KDM2B: variants seen among roughly 807,000 people sequenced by gnomAD.
KDM2B encodes the protein lysine demethylase 2B, also known as lysine-specific demethylase 2B.
KDM2B carries 26 observed loss-of-function variants against 150.0 expected under a neutral mutation model. The ratio of observed to expected loss-of-function variants is 0.17; its 90% confidence interval spans 0.13 to 0.24. The LOEUF is 0.24. Among genes scored for constraint, KDM2B ranks in the 10% least tolerant of loss-of-function variants. KDM2B has a pLI of 1.00. For synonymous variants in KDM2B, 734 were observed against 729.5 expected (o/e 1.01, Z -0.10); for missense variants, 1,265 against 1,816.9 (o/e 0.70, Z 5.52).
chr12:121,416,301 A>C, the KDM2B span: 1 of 1,613,990 alleles, frequency 6.2e-7, no homozygotes, highest in East Asian at 2.2e-5. Flanking sequence ...TTTTCCACCT[A>C]CCCACCAGCA....
At chr12:121,467,000 C>G (rs1387450783) in intron 12 of KDM2B, among the ~76,000 whole-genome samples, 4 of 148,538 alleles carry the variant, frequency 2.7e-5, no homozygotes, top group African/African-American at 4.9e-5. Flanking sequence ...CCTCTACGCC[C>G]CGCTCGGGCC....
At chr12:121,565,624 A>ATTT (rs562896898) in intron 4 of KDM2B, among the ~76,000 whole-genome samples, 1 of 148,266 alleles carries the variant, frequency 6.7e-6, no homozygotes, top group African/African-American at 2.5e-5. Context: ...GGCCAAGAGG[A>ATTT]TTTTTTTTTC....
At chr12:121,514,500 A>G (rs1283900749) in intron 9 of KDM2B, among the ~76,000 whole-genome samples, 1 of 151,698 alleles carries the variant, frequency 6.6e-6, no homozygotes, top group Non-Finnish European at 1.5e-5. Context: ...CAACACAAGG[A>G]TGGAAAGAGG....
Position 121,534,193 on chromosome 12 carries a change from C to CA in KDM2B, c.777+303dup, listed in dbSNP as rs530037773. Among the ~76,000 whole-genome samples the CA allele has an allele frequency of 5.1e-3, 777 of 152,064 alleles. 3 individuals are homozygous for CA. Among genetic ancestry groups the CA allele is most frequent in the Non-Finnish European group, 8.8e-3 (600 of 67,960 alleles). On this transcript the variant is annotated intron_variant, in intron 7 of 22. Coordinates refer to ENST00000377071, the MANE Select transcript of KDM2B (RefSeq NM_032590.5). ...TGAAACCCCGTCTCTACTAAAAATA[C>CA]AAAAAATTAGCAGGGCGTGGTAGCA...
intron 12 of KDM2B, among the ~76,000 whole-genome samples, chr12:121,492,804 G>A (rs1298743188): frequency 2.0e-5 from 3 of 150,818 alleles, no homozygotes; most frequent in African/African-American, 7.3e-5. Context: ...ACTCCAGCCT[G>A]GGTGACAAGA....
chr12:121,459,832 GAAA>G (rs1205908155), intron 12 of KDM2B, among the ~76,000 whole-genome samples: 1 of 113,498 alleles, frequency 8.8e-6, no homozygotes, highest in Non-Finnish European at 1.9e-5. Flanking sequence ...CTCCATCTCA[GAAA>G]AAAAAAAAAA....
chr12:121,443,120 T>A, intron 17 of KDM2B, 90 bp from the exon 18 acceptor site: 1 of 1,300,356 alleles, frequency 7.7e-7, no homozygotes. Flanking sequence ...GAGTCCACAG[T>A]CTCCAGAGGA....
intron 12 of KDM2B, among the ~76,000 whole-genome samples, chr12:121,471,420 G>A (rs1880758418): frequency 6.6e-6 from 1 of 152,160 alleles, no homozygotes; most frequent in African/African-American, 2.4e-5. Context: ...CTCTCTGGGT[G>A]TCGTGTACAT....
chr12:121,557,508 G>C (rs1889994249), intron 4 of KDM2B, among the ~76,000 whole-genome samples: 1 of 152,234 alleles, frequency 6.6e-6, no homozygotes, highest in African/African-American at 2.4e-5. Flanking sequence ...CCAAAGTGCT[G>C]GGATTACAGG....
intron 12 of KDM2B, among the ~76,000 whole-genome samples, chr12:121,463,410 T>C (rs1163775864): frequency 2.6e-5 from 4 of 152,050 alleles, no homozygotes; most frequent in African/African-American, 4.8e-5. Flanking sequence ...CCATGCCACA[T>C]GTATACCTAT....
chr12:121,486,322 G>A (rs1882749591), intron 12 of KDM2B, among the ~76,000 whole-genome samples: 1 of 124,702 alleles, frequency 8.0e-6, no homozygotes, highest in East Asian at 2.4e-4. Flanking sequence ...GATCAGGCTG[G>A]TTTCGAACTC....
downstream of KDM2B, among the ~76,000 whole-genome samples, chr12:121,425,159 T>C (rs1222713276): frequency 6.6e-6 from 1 of 151,750 alleles, no homozygotes; most frequent in Non-Finnish European, 1.5e-5. Context: ...AATACGAAAA[T>C]TAGCTGGGCA....
chr12:121,480,981 G>A (rs1555297770), intron 12 of KDM2B, among the ~76,000 whole-genome samples: 1 of 148,264 alleles, frequency 6.7e-6, no homozygotes, highest in East Asian at 2.0e-4. Flanking sequence ...AGACCAGAGT[G>A]CAGTGGTGTG....
chr12:121,476,126 C>CTTGTG (rs1555296750), intron 12 of KDM2B, among the ~76,000 whole-genome samples: 1 of 151,956 alleles, frequency 6.6e-6, no homozygotes, highest in African/African-American at 2.4e-5. Context: ...GAAACCCTGT[C>CTTGTG]TCTACTAAAA....
At chr12:121,510,278 A>G (rs1885467443) in intron 10 of KDM2B, among the ~76,000 whole-genome samples, 1 of 152,156 alleles carries the variant, frequency 6.6e-6, no homozygotes, top group African/African-American at 2.4e-5. Context: ...GAACACTGGC[A>G]CTTTATTTAT....
Position 121,452,830 on chromosome 12 carries a change from C to T in KDM2B, c.1959+290G>A, listed in dbSNP as rs1297848613. ...AAGGAAGGAAGGAAGGGCCCAGAAC[C>T]GTCACCCAGAACCGTAATGTTGGCA... On this transcript the variant is annotated intron_variant, in intron 13 of 22. Transcript: ENST00000377071. The surrounding 1 kb of genome is among the most constrained non-coding windows in gnomAD (Gnocchi z 4.4). Among the ~76,000 whole-genome samples the T allele has an allele frequency of 6.6e-6, 1 of 152,200 alleles. No homozygotes were observed. Among genetic ancestry groups the T allele is most frequent in the African/African-American group, 2.4e-5 (1 of 41,454 alleles).
intron 11 of KDM2B, among the ~76,000 whole-genome samples, chr12:121,502,760 CAAAAAAAAAAAAA>C (rs3080029): frequency 6.6e-5 from 3 of 45,184 alleles, no homozygotes; most frequent in East Asian, 1.6e-3. Context: ...CCATCTCTAC[CAAAAAAAAAAAAA>C]AAAAAAAAAA....
intron 12 of KDM2B, among the ~76,000 whole-genome samples, chr12:121,455,676 C>T (rs1362161310): frequency 6.6e-6 from 1 of 152,166 alleles, no homozygotes; most frequent in Non-Finnish European, 1.5e-5. Flanking sequence ...TGTACTCCAG[C>T]CTAGGAGACA....
At chr12:121,494,390 A>G (rs1385570334) in intron 12 of KDM2B, 189 bp downstream of exon 12, 4 of 542,550 alleles carry the variant, frequency 7.4e-6, no homozygotes, top group African/African-American at 2.0e-5. Flanking sequence ...CGCAGTTCCC[A>G]CAGCTAGGTA....
Sources: gnomAD v4.1 joint callset for allele counts (sites outside exome capture counted in the v4.1 genomes callset) on GRCh38, gnomAD v4.1.1 for gene constraint, Gnocchi (gnomAD v3.1) non-coding constraint, MANE v1.5 for transcripts, NCBI Gene and HGNC (gene_info 2026-07-23, HGNC 2026-07-21) for gene names.